KIF21A: variants seen among roughly 807,000 people sequenced by gnomAD.
KIF21A encodes kinesin-like protein KIF21A.
Under a neutral mutation model 202.9 loss-of-function variants are expected in KIF21A, and 114 were observed. That is an observed-to-expected ratio of 0.56 (90% CI 0.48 to 0.66). The LOEUF (loss-of-function observed/expected upper bound fraction) is 0.66, where lower values mean the gene tolerates loss of function less well. Among genes scored for constraint, KIF21A ranks in the 30% least tolerant of loss-of-function variants. The pLI is 0.00. For synonymous variants in KIF21A, 667 were observed against 670.8 expected, an observed-to-expected ratio of 0.99 and a Z score of 0.09; for missense variants, 1,677 against 1,994.9, an observed-to-expected ratio of 0.84 and a Z score of 3.04.
At chr12:39,379,400 C>G (rs1052142280) in intron 1 of KIF21A, among the ~76,000 whole-genome samples, 2 of 151,600 alleles carry the variant, frequency 1.3e-5, no homozygotes, top group African/African-American at 4.9e-5. Context: ...ATTAGGCATA[C>G]CAGCTAACAC....
chr12:39,326,707 C>G (rs1945962029), intron 24 of KIF21A, among the ~76,000 whole-genome samples: 1 of 152,174 alleles, frequency 6.6e-6, no homozygotes, highest in Non-Finnish European at 1.5e-5. Flanking sequence ...CTTTAATGTA[C>G]TGAGTCAACC....
At chr12:39,398,752 A>T (rs1233948730) in intron 1 of KIF21A, among the ~76,000 whole-genome samples, 1 of 152,212 alleles carries the variant, frequency 6.6e-6, no homozygotes, top group Non-Finnish European at 1.5e-5. Flanking sequence ...TAATCAGTAA[A>T]TAAGTAGCTT....
Position 39,331,765 on chromosome 12 carries a change from A to G in KIF21A, c.3078T>C (p.Thr1026=). 6.2e-7 allele frequency: 1 copy of G among 1,613,136 alleles called. No individual in the cohort carries two copies. The highest frequency in any genetic ancestry group is 8.5e-7 in the Non-Finnish European group (1 of 1,179,174). The part of the protein sequence containing the change: ...AKEEGETLDV[T]AVINACTLTE... ...TAAGGGTGCAGGCATTAATGACTGC[A>G]GTAACATCCAATGTCTCACCTTCTT... Residue 1026 remains threonine (T), a synonymous_variant, in exon 22 of 38, where the codon ACT becomes ACC. Coordinates refer to ENST00000361418, the MANE Select transcript of KIF21A (RefSeq NM_001173464.2).
chr12:39,418,357 T>C (rs944080685), intron 1 of KIF21A, among the ~76,000 whole-genome samples: 1 of 152,162 alleles, frequency 6.6e-6, no homozygotes, highest in Non-Finnish European at 1.5e-5. Flanking sequence ...TGAAGTAATA[T>C]GTTAAGTGAT....
chr12:39,372,090 A>C (rs1950003863), intron 1 of KIF21A, among the ~76,000 whole-genome samples: 1 of 151,964 alleles, frequency 6.6e-6, no homozygotes, highest in Admixed American at 6.6e-5. Flanking sequence ...AAGTTCATCT[A>C]TTTATTAGAG....
intron 16 of KIF21A, chr12:39,337,478 A>G (rs977447737): frequency 3.8e-5 from 15 of 395,182 alleles, no homozygotes; most frequent in African/African-American, 3.1e-4. Context: ...GCTTACTATC[A>G]GTAGCTGTGT....
chr12:39,357,152 T>C, intron 9 of KIF21A, 96 bp downstream of exon 9: 1 of 1,077,048 alleles, frequency 9.3e-7, no homozygotes, highest in Non-Finnish European at 1.4e-6. Context: ...GAGACTGGCA[T>C]TTCTATTTCA....
At position 39,320,976 on chromosome 12, in the gene KIF21A, A is replaced by C. The variant is rs183677657; in HGVS notation, c.3672-963T>G. 5.6e-3 allele frequency among the ~76,000 whole-genome samples: 845 copies of C among 151,388 alleles called. 25 individuals are homozygous for C. Among genetic ancestry groups the C allele is most frequent in the Admixed American group, 0.049 (731 of 14,996 alleles). ...AAAAAAAAAGTCTGGGAAAAAAAAA[A>C]CACTAAGGAATTAGACAGCAACACT... On this transcript the variant is annotated intron_variant, in intron 27 of 37. Coordinates refer to ENST00000361418, the MANE Select transcript of KIF21A (RefSeq NM_001173464.2).
intron 1 of KIF21A, among the ~76,000 whole-genome samples, chr12:39,395,090 ATCT>A (rs1370348539): frequency 6.6e-6 from 1 of 152,110 alleles, no homozygotes; most frequent in African/African-American, 2.4e-5. Flanking sequence ...AATAGCAATA[ATCT>A]TCTCATTGTT....
rs575977533 is a variant in KIF21A, at chr12:39,325,016, G to T, written c.3456+823C>A. 2.6e-5 allele frequency among the ~76,000 whole-genome samples: 4 copies of T among 152,212 alleles called. No homozygotes were observed. In the East Asian group the frequency reaches 7.7e-4, roughly 29 times the overall value. On this transcript the variant is annotated intron_variant, in intron 26 of 37. Coordinates refer to ENST00000361418, the MANE Select transcript of KIF21A (RefSeq NM_001173464.2). Reference sequence around the variant, plus strand: ...CCATAGCTATCTCACACATTTAACTGCATGTATAATTTATATCATTTTTTA... The same window carrying T: ...CCATAGCTATCTCACACATTTAACTTCATGTATAATTTATATCATTTTTTA...
intron 29 of KIF21A, among the ~76,000 whole-genome samples, chr12:39,317,403 G>A (rs970765944): frequency 6.6e-6 from 1 of 152,078 alleles, no homozygotes; most frequent in African/African-American, 2.4e-5. Context: ...AATACCTTAT[G>A]GCAGTATTGT....
intron 12 of KIF21A, among the ~76,000 whole-genome samples, chr12:39,345,952 A>G (rs975433293): frequency 5.9e-5 from 9 of 151,966 alleles, no homozygotes; most frequent in African/African-American, 1.9e-4. Flanking sequence ...CTTATTTGTA[A>G]TAAGGCCACA....
intron 1 of KIF21A, among the ~76,000 whole-genome samples, chr12:39,385,659 G>C (rs1450877455): frequency 6.6e-6 from 1 of 152,084 alleles, no homozygotes; most frequent in African/African-American, 2.4e-5. Context: ...TCCAGTTTGA[G>C]AGTACATTAC....
chr12:39,423,107 A>G (rs1479724963), intron 1 of KIF21A, among the ~76,000 whole-genome samples: 1 of 152,186 alleles, frequency 6.6e-6, no homozygotes, highest in East Asian at 1.9e-4. Context: ...GTGCTTGACA[A>G]ATGTATTAAA....
chr12:39,349,983 T>C (rs1325597775), intron 11 of KIF21A, among the ~76,000 whole-genome samples: 1 of 152,022 alleles, frequency 6.6e-6, no homozygotes. Flanking sequence ...CTCTTAAAAA[T>C]GTTTGTATAT....
chr12:39,326,766 T>A (rs1015847073), intron 24 of KIF21A, among the ~76,000 whole-genome samples: 9 of 152,374 alleles, frequency 5.9e-5, no homozygotes, highest in East Asian at 1.9e-4. Flanking sequence ...TTATCAGTTA[T>A]GCCAATGTAC....
Position 39,322,811 on chromosome 12 carries a change from A to G in KIF21A, c.3528T>C (p.Ser1176=), listed in dbSNP as rs1465018431. The change falls in exon 27 of 38, where the codon AGT becomes AGC. Residue 1176 remains serine (S), a synonymous_variant. Coordinates refer to ENST00000361418, the MANE Select transcript of KIF21A (RefSeq NM_001173464.2). ...ADSSELASDT[S]TGDASLPGPL... is the part of the protein sequence containing the mutation. ...GGCCAGGCAAGGAGGCATCTCCTGTACTAGTGTCTGAAGCTAGTTCACTGC... is the reference window on the plus strand; with the variant it reads ...GGCCAGGCAAGGAGGCATCTCCTGTGCTAGTGTCTGAAGCTAGTTCACTGC... 1 of 1,614,098 alleles carries G rather than the reference A, an allele frequency of 6.2e-7. No homozygotes were observed. Among genetic ancestry groups the G allele is most frequent in the Non-Finnish European group, 8.5e-7 (1 of 1,179,948 alleles).
At chr12:39,417,986 T>G (rs1210936679) in intron 1 of KIF21A, among the ~76,000 whole-genome samples, 1 of 151,948 alleles carries the variant, frequency 6.6e-6, no homozygotes, top group Non-Finnish European at 1.5e-5. Flanking sequence ...GGCAGGTGGA[T>G]CTCTTGGGCT....
At chr12:39,417,087 G>T (rs755805167) in intron 1 of KIF21A, among the ~76,000 whole-genome samples, 4 of 151,736 alleles carry the variant, frequency 2.6e-5, no homozygotes, top group Non-Finnish European at 4.4e-5. Context: ...GAATGGCTAG[G>T]AATGGGGCCA....
Sources: gnomAD v4.1 joint callset for allele counts (sites outside exome capture counted in the v4.1 genomes callset) on GRCh38, gnomAD v4.1.1 for gene constraint, MANE v1.5 for transcripts, NCBI Gene and HGNC (gene_info 2026-07-23, HGNC 2026-07-21) for gene names.